Variants in FGGY observed in about 807,000 individuals in gnomAD.
FGGY encodes the protein FGGY carbohydrate kinase domain-containing protein.
Under a neutral mutation model 71.3 loss-of-function variants are expected in FGGY, and 72 were observed. The ratio of observed to expected loss-of-function variants is 1.01; its 90% CI spans 0.84 to 1.23. FGGY has a LOEUF of 1.23. Among genes scored for constraint, FGGY ranks in the 50% most tolerant of loss-of-function variants. FGGY has a pLI of 0.00. For missense variants in FGGY, 668 were observed against 682.3 expected, an observed-to-expected ratio of 0.98 and a Z score of 0.23; for synonymous variants, 251 against 250.3, an observed-to-expected ratio of 1.00 and a Z score of -0.02.
At chr1:59,686,228 T>C (rs943298947) in intron 14 of FGGY, among the ~76,000 whole-genome samples, 1 of 152,100 alleles carries the variant, frequency 6.6e-6, no homozygotes, top group African/African-American at 2.4e-5. Flanking sequence ...TTTCCATGAA[T>C]ATTCCTTCCC....
intron 5 of FGGY, among the ~76,000 whole-genome samples, chr1:59,430,546 A>C (rs2067162885): frequency 6.6e-6 from 1 of 152,138 alleles, no homozygotes; most frequent in African/African-American, 2.4e-5. Flanking sequence ...GTCTAAGCTG[A>C]GAATTTTTTC....
chr1:59,338,529 C>T (rs947166519), intron 2 of FGGY, among the ~76,000 whole-genome samples: 2 of 151,966 alleles, frequency 1.3e-5, no homozygotes, highest in African/African-American at 4.8e-5. Flanking sequence ...AAAAGTGCTT[C>T]TCAATTTTTC....
chr1:59,662,369 A>G (rs1300418476), intron 12 of FGGY, among the ~76,000 whole-genome samples: 2 of 151,860 alleles, frequency 1.3e-5, no homozygotes, highest in African/African-American at 4.8e-5. Context: ...GCACTGTGCT[A>G]GATACATTAC....
Position 59,599,555 on chromosome 1 carries a change from G to C in FGGY, c.904-8248G>C, listed in dbSNP as rs141937207. 4.6e-3 allele frequency among the ~76,000 whole-genome samples: 699 copies of C among 151,856 alleles called. 15 individuals carry two copies. The highest frequency in any genetic ancestry group is 0.016 in the African/African-American group (658 of 41,460). On this transcript the variant is annotated intron_variant, in intron 8 of 15. Coordinates refer to ENST00000303721, the MANE Select transcript of FGGY (RefSeq NM_018291.5). ...CTAAAAATATAAACATTAGCTGGGC[G>C]TGGTGGCATGTGCCTGTAATCCCAG... is the stretch of plus-strand genomic sequence containing the variant.
Position 59,340,053 on chromosome 1 carries a change from A to G in FGGY, c.297A>G (p.Leu99=), listed in dbSNP as rs762132178. 5.0e-6 allele frequency: 8 copies of G among 1,611,336 alleles called. No individual in the cohort carries two copies. The highest frequency in any genetic ancestry group is 6.8e-6 in the Non-Finnish European group (8 of 1,178,584). ...LVVLDKQFHP[L]PVNQEGDSHR... ...TTTTGGATAAGCAGTTTCACCCATTACCAGTCAACCAGGAAGGTAAGACCA... is the reference window on the plus strand; with the variant it reads ...TTTTGGATAAGCAGTTTCACCCATTGCCAGTCAACCAGGAAGGTAAGACCA... The change falls in exon 3 of 16, where the codon TTA becomes TTG. Residue 99 remains leucine (L), a synonymous_variant. Transcript: ENST00000303721.
intron 14 of FGGY, among the ~76,000 whole-genome samples, chr1:59,751,940 C>T (rs975091693): frequency 2.6e-5 from 4 of 152,136 alleles, no homozygotes; most frequent in Admixed American, 1.3e-4. Context: ...AACATGCAAA[C>T]GACAACATGT....
chr1:59,440,900 C>G (rs568085967), intron 5 of FGGY, among the ~76,000 whole-genome samples: 5 of 151,746 alleles, frequency 3.3e-5, no homozygotes, highest in Admixed American at 3.3e-4. Context: ...ATTCAAGATA[C>G]TCTTGAGTTT....
Position 59,382,397 on chromosome 1 carries a change from G to A in FGGY, c.554+3560G>A, listed in dbSNP as rs760366893. ...TGCGGTGAAACAATCATTAGCCAAA[G>A]GTCCTGGGGCAGAGAGATGCATATG... On this transcript the variant is annotated intron_variant, in intron 5 of 15. Coordinates refer to ENST00000303721, the MANE Select transcript of FGGY (RefSeq NM_018291.5). Among the ~76,000 whole-genome samples the A allele has an allele frequency of 1.3e-3, 202 of 152,276 alleles. 3 individuals are homozygous for A. The Middle Eastern group carries it at 0.02, about 15-fold the overall frequency.
intron 8 of FGGY, among the ~76,000 whole-genome samples, chr1:59,562,894 T>C (rs2095815140): frequency 6.6e-6 from 1 of 152,206 alleles, no homozygotes; most frequent in East Asian, 1.9e-4. Flanking sequence ...TACAGTTTAT[T>C]GAAAGCTATT....
chr1:59,352,583 G>A (rs2053515214), intron 4 of FGGY, among the ~76,000 whole-genome samples: 1 of 151,744 alleles, frequency 6.6e-6, no homozygotes. Context: ...TTCTCCAATT[G>A]GTAGATTCTT....
At chr1:59,532,733 T>G (rs748857412) in intron 7 of FGGY, among the ~76,000 whole-genome samples, 2 of 152,082 alleles carry the variant, frequency 1.3e-5, no homozygotes, top group African/African-American at 2.4e-5. Context: ...ATTACAATGT[T>G]CCAATTCTTA....
intron 14 of FGGY, among the ~76,000 whole-genome samples, chr1:59,706,406 C>G (rs2097757869): frequency 6.6e-6 from 1 of 152,312 alleles, no homozygotes; most frequent in East Asian, 1.9e-4. Context: ...AGAGTTGTTA[C>G]ATGGGTCACT....
At chr1:59,704,485 T>C (rs2097737460) in intron 14 of FGGY, among the ~76,000 whole-genome samples, 1 of 152,056 alleles carries the variant, frequency 6.6e-6, no homozygotes, top group Admixed American at 6.6e-5. Context: ...CACAGACATA[T>C]ATATACACAT....
chr1:59,396,320 G>C (rs904128960), intron 5 of FGGY, among the ~76,000 whole-genome samples: 3 of 152,178 alleles, frequency 2.0e-5, no homozygotes, highest in Non-Finnish European at 4.4e-5. Context: ...TCTAACCTCA[G>C]TGAATGTTTT....
chr1:59,510,593 T>C (rs1220700786), intron 6 of FGGY, among the ~76,000 whole-genome samples: 1 of 152,200 alleles, frequency 6.6e-6, no homozygotes, highest in South Asian at 2.1e-4. Context: ...CAGTGTCCAA[T>C]AGAAATATAA....
chr1:59,321,459 C>T (rs2046367924), intron 1 of FGGY, 77 bp from the exon 2 acceptor site: 1 of 1,342,732 alleles, frequency 7.4e-7, no homozygotes, highest in Non-Finnish European at 1.0e-6. Context: ...TCTTTTATTT[C>T]TACTTTTGAG....
chr1:59,317,505 GTTACT>G (rs1385948215), intron 1 of FGGY, among the ~76,000 whole-genome samples: 1 of 152,180 alleles, frequency 6.6e-6, no homozygotes, highest in African/African-American at 2.4e-5. Flanking sequence ...CCACTTTACA[GTTACT>G]TTACTTTTTG....
At chr1:59,346,092 C>T (rs964912469) in intron 3 of FGGY, among the ~76,000 whole-genome samples, 155 bp from the exon 4 acceptor site, 2 of 152,202 alleles carry the variant, frequency 1.3e-5, no homozygotes, top group Non-Finnish European at 2.9e-5. Flanking sequence ...CAGTGCTTTC[C>T]TCAGCCTTGC....
intron 14 of FGGY, among the ~76,000 whole-genome samples, chr1:59,718,005 G>A (rs2097857364): frequency 6.6e-6 from 1 of 152,160 alleles, no homozygotes; most frequent in South Asian, 2.1e-4. Flanking sequence ...CAGCTGGTAT[G>A]TAGAGAAACT....
Sources: allele counts gnomAD v4.1 joint callset (sites outside exome capture counted in the v4.1 genomes callset), GRCh38; gene constraint gnomAD v4.1.1; transcripts MANE v1.5; gene names NCBI Gene and HGNC (gene_info 2026-07-23, HGNC 2026-07-21).